The following CXorf38 variants were observed in gnomAD, a reference collection of about 807,000 sequenced individuals.
The protein encoded by CXorf38 is uncharacterized protein CXorf38.
In CXorf38, 13 loss-of-function variants were observed where a neutral mutation model predicts 27.5. That is an observed-to-expected ratio of 0.47 (90% CI 0.31 to 0.75). The LOEUF (loss-of-function observed/expected upper bound fraction) is 0.75. Ranked by LOEUF, CXorf38 falls within the 30% of genes least tolerant of loss-of-function variation. CXorf38 has a pLI of 0.05. For missense variants in CXorf38, 240 were observed against 253.2 expected (o/e 0.95, Z 0.35); for synonymous variants, 100 against 99.8 (o/e 1.00, Z -0.01).
In CXorf38 at chrX:40,630,613, C is replaced by A. The variant is rs765142399; in HGVS notation, c.*1+1G>T. On this transcript the variant is annotated splice_donor_variant, in intron 6 of 6. Transcript: ENST00000327877. LOFTEE classifies it low-confidence loss of function (3UTR_SPLICE). ...TAACACCATCATCTGCCTGAACTCA[C>A]CTCAGGCCTTCCTGTCAGGTGTTTG... 1 of 1,208,039 alleles carries A rather than the reference C, an allele frequency of 8.3e-7. No homozygotes were observed.
At chrX:40,633,423 C>T (rs1231418522) in intron 5 of CXorf38, among the ~76,000 whole-genome samples, 1 of 111,393 alleles carries the variant, frequency 9.0e-6, no homozygotes, top group Non-Finnish European at 1.9e-5. Context: ...ACCTGACATT[C>T]GTCCCCACTC....
intron 5 of CXorf38, among the ~76,000 whole-genome samples, chrX:40,635,994 G>A (rs773198790): frequency 7.1e-5 from 8 of 112,610 alleles, no homozygotes; most frequent in South Asian, 3.6e-4. Context: ...CCCAAACCCC[G>A]TGGCATGGCC....
At chrX:40,633,474 TCTC>T (rs1183910350) in intron 5 of CXorf38, among the ~76,000 whole-genome samples, 1 of 111,236 alleles carries the variant, frequency 9.0e-6, no homozygotes, top group Non-Finnish European at 1.9e-5. Context: ...ACACTGGATT[TCTC>T]CTTCTACTGC....
rs1041879124 is a variant in CXorf38 at position 40,629,658 on chromosome X, G to C, written c.*506C>G. 1.8e-5 allele frequency: 2 copies of C among 112,310 alleles called. No homozygotes were observed. The highest frequency in any genetic ancestry group is 6.5e-5 in the African/African-American group (2 of 30,899). 9.3% of individuals were successfully genotyped at this position (112,310 alleles called of 1,213,427 possible). A position where few individuals can be genotyped will look rare whatever the true frequency, so the allele number is the denominator to read the frequency against. On this transcript the variant is annotated 3_prime_UTR_variant, in exon 7 of 7. Coordinates refer to ENST00000327877, the MANE Select transcript of CXorf38 (RefSeq NM_144970.3). ...GACAGAATCTCGCTCTATTGCCCAG[G>C]CTGGAGTACAGTGGCATGGTCTCAG...
chrX:40,631,200 CGT>C (rs1453405087), intron 5 of CXorf38, among the ~76,000 whole-genome samples: 1 of 101,254 alleles, frequency 9.9e-6, no homozygotes, highest in Non-Finnish European at 2.0e-5. Context: ...TTCATATATA[CGT>C]GTGTACATAT....
intron 2 of CXorf38, among the ~76,000 whole-genome samples, chrX:40,644,245 A>G (rs1364656486): frequency 9.0e-6 from 1 of 110,948 alleles, no homozygotes; most frequent in Admixed American, 1.0e-4. Flanking sequence ...GGAGATGGGA[A>G]TGAGCTGCAA....
chrX:40,644,183 T>C (rs1928471192), intron 2 of CXorf38, among the ~76,000 whole-genome samples: 1 of 112,434 alleles, frequency 8.9e-6, no homozygotes, highest in Non-Finnish European at 1.9e-5. Context: ...TGTTTAATTG[T>C]TTCTTTTAAA....
chrX:40,645,046 G>A (rs895122466), intron 2 of CXorf38, among the ~76,000 whole-genome samples: 2 of 112,082 alleles, frequency 1.8e-5, no homozygotes, highest in African/African-American at 6.5e-5. Flanking sequence ...GGATTATAAT[G>A]ATGGGCCATG....
rs769177615 is a variant in CXorf38, at chrX:40,641,451, A to C, written c.352-2323T>G. Among the ~76,000 whole-genome samples, 10 of 111,931 alleles carry C rather than the reference A, an allele frequency of 8.9e-5. No homozygotes were observed. In the South Asian group the frequency reaches 3.7e-3, roughly 41 times the overall value. Reference sequence around the variant, plus strand: ...TGCCCAGACTGGAATACAGTGGCACAATCACAGCTCACTGCAGCCTCAAAC... The same window carrying C: ...TGCCCAGACTGGAATACAGTGGCACCATCACAGCTCACTGCAGCCTCAAAC... On this transcript the variant is annotated intron_variant, in intron 2 of 6. Coordinates refer to ENST00000327877, the MANE Select transcript of CXorf38 (RefSeq NM_144970.3).
At chrX:40,634,562 C>A (rs1927977257) in intron 5 of CXorf38, among the ~76,000 whole-genome samples, 2 of 112,150 alleles carry the variant, frequency 1.8e-5, no homozygotes, top group Admixed American at 1.9e-4. Context: ...ATTATTTTTT[C>A]TTTCTTAGAA....
chrX:40,644,605 G>C (rs1488853333), intron 2 of CXorf38, among the ~76,000 whole-genome samples: 1 of 112,584 alleles, frequency 8.9e-6, no homozygotes, highest in Non-Finnish European at 1.9e-5. Context: ...AAGTAATCTA[G>C]AGATGATTTA....
chrX:40,640,591 T>C (rs772354378), intron 2 of CXorf38, among the ~76,000 whole-genome samples: 50 of 110,447 alleles, frequency 4.5e-4, no homozygotes, highest in African/African-American at 1.6e-3. Context: ...ACAGGTACAA[T>C]AGCCAGTATC....
At chrX:40,631,252 TATACACACACAC>T (rs1195244476) in intron 5 of CXorf38, among the ~76,000 whole-genome samples, 136 of 37,662 alleles carry the variant, frequency 3.6e-3, no homozygotes, top group African/African-American at 0.01. Context: ...TGTATATATA[TATACACACACAC>T]ACACACACAC....
chrX:40,641,252 T>C (rs1479114700), intron 2 of CXorf38, among the ~76,000 whole-genome samples: 1 of 111,614 alleles, frequency 9.0e-6, no homozygotes, highest in Non-Finnish European at 1.9e-5. Context: ...AATTCAGCTG[T>C]TGCTGGGAGG....
chrX:40,641,053 A>G (rs1408518426), intron 2 of CXorf38, among the ~76,000 whole-genome samples: 2 of 110,567 alleles, frequency 1.8e-5, no homozygotes, highest in Non-Finnish European at 3.8e-5. Flanking sequence ...AAGCTCTGAA[A>G]AATACAAAAA....
At chrX:40,646,600 C>T (rs1316332177) in intron 2 of CXorf38, among the ~76,000 whole-genome samples, 1 of 111,284 alleles carries the variant, frequency 9.0e-6, no homozygotes, top group Non-Finnish European at 1.9e-5. Flanking sequence ...CTTCCCTTGG[C>T]TTACTCTGTC....
At chrX:40,633,894 G>A (rs1410729285) in intron 5 of CXorf38, among the ~76,000 whole-genome samples, 1 of 111,259 alleles carries the variant, frequency 9.0e-6, no homozygotes, top group African/African-American at 3.3e-5. Flanking sequence ...AGGACTATGT[G>A]AAGGGCACTT....
intron 5 of CXorf38, among the ~76,000 whole-genome samples, chrX:40,634,017 A>T (rs1030675771): frequency 1.8e-5 from 2 of 111,368 alleles, no homozygotes; most frequent in East Asian, 5.6e-4. Flanking sequence ...CAGAAAAAAA[A>T]ATCTCACAGT....
At chrX:40,642,666 G>A (rs1272278648) in intron 2 of CXorf38, among the ~76,000 whole-genome samples, 2 of 112,221 alleles carry the variant, frequency 1.8e-5, no homozygotes, top group African/African-American at 6.5e-5. Flanking sequence ...CAGAGGAGAA[G>A]ATAACAGGTA....
Sources: gnomAD v4.1 joint callset for allele counts (sites outside exome capture counted in the v4.1 genomes callset) on GRCh38, gnomAD v4.1.1 for gene constraint, MANE v1.5 for transcripts, NCBI Gene and HGNC (gene_info 2026-07-23, HGNC 2026-07-21) for gene names.